The following MANBA variants were observed in gnomAD, a reference collection of about 807,000 sequenced individuals.
MANBA encodes the protein mannosidase beta.
In MANBA, 83 loss-of-function variants were observed where a neutral mutation model predicts 111.1. That is an observed-to-expected ratio of 0.75 (90% CI 0.63 to 0.90). The LOEUF is 0.90. MANBA is among the 40% of genes least tolerant of loss of function. The pLI, the probability that MANBA is intolerant of heterozygous loss-of-function variation, is 0.00. For missense variants in MANBA, 1,036 were observed against 1,069.0 expected (o/e 0.97, Z 0.43); for synonymous variants, 370 against 378.7 (o/e 0.98, Z 0.27).
chr4:102,646,647 C>T (rs929239941), intron 13 of MANBA, among the ~76,000 whole-genome samples: 16 of 152,150 alleles, frequency 1.1e-4, no homozygotes, highest in African/African-American at 3.9e-4. Flanking sequence ...GAGTAAGACA[C>T]TCAAAAGTTA....
At chr4:102,680,196 C>T (rs144709094) in intron 7 of MANBA, among the ~76,000 whole-genome samples, 1 of 152,198 alleles carries the variant, frequency 6.6e-6, no homozygotes, top group East Asian at 1.9e-4. Flanking sequence ...TTTGTTGTTG[C>T]ACAGTAAATA....
rs1578875957 is a variant in MANBA at position 102,657,765 on chromosome 4, A to G, written c.1621T>C (p.Trp541Arg). 6.2e-7 allele frequency: 1 copy of G among 1,613,936 alleles called. No individual in the cohort carries two copies. Among genetic ancestry groups the G allele is most frequent in the East Asian group, 2.2e-5 (1 of 44,878 alleles). Residue 541 changes from tryptophan (W) to arginine (R), a missense_variant, in exon 12 of 17, where the codon TGG becomes CGG. Physicochemically the swap from Trp to Arg is moderately radical, Grantham distance 101 (BLOSUM62 -3). Coordinates refer to ENST00000647097, the MANE Select transcript of MANBA (RefSeq NM_005908.4). ...VHFYDYISDC[W>R]NWKVFPKARF... ...GCTTTTGGGAAAACTTTCCAGTTCC[A>G]GCAATCACTGATATAGTCATAAAAA... is the stretch of plus-strand genomic sequence containing the variant.
intron 5 of MANBA, among the ~76,000 whole-genome samples, chr4:102,704,622 T>C (rs1203589100): frequency 1.3e-5 from 2 of 152,168 alleles, no homozygotes; most frequent in East Asian, 1.9e-4. Flanking sequence ...TCATAGTATA[T>C]ACCAAATAAA....
intron 1 of MANBA, chr4:102,729,820 T>C (rs1722961750): frequency 7.9e-7 from 1 of 1,267,500 alleles, no homozygotes. Flanking sequence ...GTCTCCAGCA[T>C]CTTGTTCTAC....
intron 5 of MANBA, among the ~76,000 whole-genome samples, chr4:102,704,102 A>G (rs770636019): frequency 6.6e-6 from 1 of 152,044 alleles, no homozygotes; most frequent in Non-Finnish European, 1.5e-5. Context: ...CTCGAAAAAA[A>G]AAAACCAAAA....
At chr4:102,687,901 G>A (rs1560774136) in intron 7 of MANBA, among the ~76,000 whole-genome samples, 1 of 152,050 alleles carries the variant, frequency 6.6e-6, no homozygotes, top group South Asian at 2.1e-4. Flanking sequence ...GCAACTCTAC[G>A]GCAGCCACAG....
chr4:102,749,600 G>A (rs1723713177), intron 1 of MANBA, among the ~76,000 whole-genome samples: 1 of 152,192 alleles, frequency 6.6e-6, no homozygotes, highest in African/African-American at 2.4e-5. Flanking sequence ...GTGCAATGGT[G>A]AAAAGAACAT....
At chr4:102,670,297 G>T (rs548946264) in intron 9 of MANBA, among the ~76,000 whole-genome samples, 1 of 152,196 alleles carries the variant, frequency 6.6e-6, no homozygotes, top group Admixed American at 6.5e-5. Flanking sequence ...TGTAAATGGG[G>T]ATAGAGAATA....
chr4:102,710,571 A>C (rs918250385), intron 5 of MANBA, among the ~76,000 whole-genome samples: 1 of 152,186 alleles, frequency 6.6e-6, no homozygotes, highest in Non-Finnish European at 1.5e-5. Flanking sequence ...ATATCATTAA[A>C]ATGACCACCA....
At chr4:102,689,047 A>G (rs1028268497) in intron 7 of MANBA, among the ~76,000 whole-genome samples, 1 of 152,174 alleles carries the variant, frequency 6.6e-6, no homozygotes, top group African/African-American at 2.4e-5. Flanking sequence ...TATCTAAAGT[A>G]TGATCCATTT....
chr4:102,730,215 A>C, intron 1 of MANBA: 1 of 610,706 alleles, frequency 1.6e-6, no homozygotes, highest in Non-Finnish European at 2.8e-6. Context: ...CCAGATAGAG[A>C]TCCCAGAAGG....
intron 6 of MANBA, 45 bp from the exon 7 acceptor site, chr4:102,689,729 G>T (rs569774935): frequency 9.2e-7 from 1 of 1,081,492 alleles, no homozygotes; most frequent in Non-Finnish European, 1.4e-6. Context: ...CATATTTTCA[G>T]CAAAAAAGGC....
chr4:102,755,822 C>A (rs1382453426), intron 1 of MANBA, among the ~76,000 whole-genome samples: 2 of 152,168 alleles, frequency 1.3e-5, no homozygotes, highest in Non-Finnish European at 2.9e-5. Context: ...AGGATATGAA[C>A]AGACACTTCT....
intron 1 of MANBA, among the ~76,000 whole-genome samples, chr4:102,743,546 T>C (rs1259219091): frequency 2.0e-5 from 3 of 152,136 alleles, no homozygotes; most frequent in African/African-American, 4.8e-5. Flanking sequence ...CATGAGGCCA[T>C]TAGTGCAGGC....
intron 1 of MANBA, among the ~76,000 whole-genome samples, chr4:102,730,997 T>C (rs1036476086): frequency 1.3e-5 from 2 of 152,010 alleles, no homozygotes; most frequent in Non-Finnish European, 2.9e-5. Context: ...TAAAAAAATA[T>C]GTACAAGTAG....
chr4:102,690,547 A>G (rs1732426107), intron 6 of MANBA, 49 bp downstream of exon 6: 1 of 1,547,672 alleles, frequency 6.5e-7, no homozygotes, highest in African/African-American at 1.4e-5. Flanking sequence ...TTTCTTTAGC[A>G]CAGGTATTGC....
At chr4:102,689,740 T>A (rs973236790) in intron 6 of MANBA, 56 bp from the exon 7 acceptor site, 3 of 988,226 alleles carry the variant, frequency 3.0e-6, no homozygotes, top group Non-Finnish European at 4.9e-6. Flanking sequence ...CAAAAAAGGC[T>A]CAAAGCATTA....
At chr4:102,678,531 A>C (rs1196007200) in intron 7 of MANBA, among the ~76,000 whole-genome samples, 1 of 152,034 alleles carries the variant, frequency 6.6e-6, no homozygotes, top group Non-Finnish European at 1.5e-5. Context: ...AAACAGTCCA[A>C]CAAAGCAAAT....
At chr4:102,689,107 T>C (rs1046236201) in intron 7 of MANBA, among the ~76,000 whole-genome samples, 2 of 152,156 alleles carry the variant, frequency 1.3e-5, no homozygotes, top group Non-Finnish European at 2.9e-5. Flanking sequence ...CCCAGCACTC[T>C]GGGAGGCCAA....
Sources: gnomAD v4.1 joint callset for allele counts (sites outside exome capture counted in the v4.1 genomes callset) on GRCh38, gnomAD v4.1.1 for gene constraint, MANE v1.5 for transcripts, NCBI Gene and HGNC (gene_info 2026-07-23, HGNC 2026-07-21) for gene names.